ST6GALNAC3: variants seen among roughly 807,000 people sequenced by gnomAD.
The protein encoded by ST6GALNAC3 is ST6 N-acetylgalactosaminide alpha-2,6-sialyltransferase 3, also known as alpha-N-acetylgalactosaminide alpha-2,6-sialyltransferase 3.
In ST6GALNAC3, 25 loss-of-function variants were observed where a neutral mutation model predicts 32.7. That is an observed-to-expected ratio of 0.76 (90% confidence interval 0.56 to 1.07). The LOEUF is 1.07. ST6GALNAC3 is among the 50% of genes least tolerant of loss of function. ST6GALNAC3 has a pLI of 0.00. For missense variants in ST6GALNAC3, 355 were observed against 382.4 expected (o/e 0.93, Z 0.60); for synonymous variants, 129 against 133.1 (o/e 0.97, Z 0.21).
At chr1:76,165,360 A>G (rs1652056177) in intron 1 of ST6GALNAC3, among the ~76,000 whole-genome samples, 1 of 152,056 alleles carries the variant, frequency 6.6e-6, no homozygotes, top group Non-Finnish European at 1.5e-5. Context: ...TGTTCCTTTT[A>G]ATGGTTGCAT....
intron 3 of ST6GALNAC3, among the ~76,000 whole-genome samples, chr1:76,488,993 C>G (rs1660318459): frequency 6.6e-6 from 1 of 152,140 alleles, no homozygotes; most frequent in Non-Finnish European, 1.5e-5. Flanking sequence ...TTTCTGGAAG[C>G]AATTGCTTGT....
At position 76,383,835 on chromosome 1, in the gene ST6GALNAC3, A is replaced by G. The variant is rs944722284; in HGVS notation, c.214-28173A>G. Among the ~76,000 whole-genome samples, 18 of 152,338 alleles carry G rather than the reference A, an allele frequency of 1.2e-4. 1 individual carries two copies. Among genetic ancestry groups the G allele is most frequent in the African/African-American group, 4.3e-4 (18 of 41,588 alleles). On this transcript the variant is annotated intron_variant, in intron 2 of 4. Transcript: ENST00000328299. ...CAGAACTTATGAAGGCATACATTAT[A>G]TTATATTCTAGTAAGCCAAGAATTA...
At chr1:76,575,831 C>CA (rs1646795425) in intron 3 of ST6GALNAC3, among the ~76,000 whole-genome samples, 1 of 151,194 alleles carries the variant, frequency 6.6e-6, no homozygotes, top group African/African-American at 2.4e-5. Context: ...ACCAGATTTT[C>CA]TTTTTTTTTA....
At chr1:76,100,973 C>T (rs1453075473) in intron 1 of ST6GALNAC3, among the ~76,000 whole-genome samples, 1 of 152,058 alleles carries the variant, frequency 6.6e-6, no homozygotes, top group Non-Finnish European at 1.5e-5. Context: ...CAAGATCCCC[C>T]ATCAGGGTGC....
intron 3 of ST6GALNAC3, among the ~76,000 whole-genome samples, chr1:76,419,597 A>G (rs914913941): frequency 6.6e-6 from 1 of 152,134 alleles, no homozygotes; most frequent in Non-Finnish European, 1.5e-5. Flanking sequence ...ACAAGTAAGG[A>G]TAGTTACATT....
At chr1:76,208,652 G>A (rs945556277) in intron 1 of ST6GALNAC3, among the ~76,000 whole-genome samples, 1 of 152,148 alleles carries the variant, frequency 6.6e-6, no homozygotes, top group African/African-American at 2.4e-5. Flanking sequence ...AGTCCATATA[G>A]GTGGGTCTGG....
At chr1:76,419,651 C>T (rs1409458182) in intron 3 of ST6GALNAC3, among the ~76,000 whole-genome samples, 1 of 151,904 alleles carries the variant, frequency 6.6e-6, no homozygotes, top group Non-Finnish European at 1.5e-5. Context: ...TCTGTTTTTT[C>T]TCTATTCTTG....
intron 3 of ST6GALNAC3, among the ~76,000 whole-genome samples, chr1:76,466,762 G>T (rs1658659105): frequency 1.3e-5 from 2 of 151,934 alleles, no homozygotes; most frequent in Non-Finnish European, 1.5e-5. Flanking sequence ...GTCTGTAATG[G>T]GTTATTTGCA....
intron 1 of ST6GALNAC3, among the ~76,000 whole-genome samples, chr1:76,190,831 A>G (rs147301297): frequency 9.2e-5 from 14 of 152,322 alleles, no homozygotes; most frequent in African/African-American, 2.6e-4. Flanking sequence ...TTTGATATTT[A>G]TACTCCCATC....
chr1:76,627,325 C>T (rs680442), intron 3 of ST6GALNAC3, 127 bp from the exon 4 acceptor site: 257,159 of 627,078 alleles, frequency 0.41, 55,637 homozygotes, highest in African/African-American at 0.62. Flanking sequence ...AGTTTCTCAA[C>T]TCTTTTTCCT....
At chr1:76,474,382 G>A (rs941348923) in intron 3 of ST6GALNAC3, among the ~76,000 whole-genome samples, 5 of 152,140 alleles carry the variant, frequency 3.3e-5, no homozygotes, top group Non-Finnish European at 7.4e-5. Flanking sequence ...GCAAGGTTCA[G>A]CGGGACCTCA....
At position 76,262,835 on chromosome 1, in the gene ST6GALNAC3, G is replaced by A. The variant is rs142238789; in HGVS notation, c.19-50970G>A. Among the ~76,000 whole-genome samples the A allele has an allele frequency of 4.6e-5, 7 of 152,206 alleles. No homozygotes were observed. In the East Asian group the frequency reaches 7.7e-4, roughly 17 times the overall value. ...GCACGCACACATTTCTTACTTCCAC[G>A]TTCAAAACTATGGTGAGCATTCACA... is the stretch of plus-strand genomic sequence containing the variant. On this transcript the variant is annotated intron_variant, in intron 1 of 4. Coordinates refer to ENST00000328299, the MANE Select transcript of ST6GALNAC3 (RefSeq NM_152996.4).
At chr1:76,174,747 A>G (rs928467598) in intron 1 of ST6GALNAC3, among the ~76,000 whole-genome samples, 14 of 149,078 alleles carry the variant, frequency 9.4e-5, no homozygotes, top group African/African-American at 3.5e-4. Context: ...GCTCACTGCA[A>G]CCTCCACCTC....
At chr1:76,503,583 A>G (rs1557499061) in intron 3 of ST6GALNAC3, among the ~76,000 whole-genome samples, 1 of 152,204 alleles carries the variant, frequency 6.6e-6, no homozygotes, top group African/African-American at 2.4e-5. Flanking sequence ...TTTTTCCCAC[A>G]AAGTGGGTAG....
chr1:76,404,584 C>T (rs570857884), intron 2 of ST6GALNAC3, among the ~76,000 whole-genome samples: 1 of 152,136 alleles, frequency 6.6e-6, no homozygotes, highest in South Asian at 2.1e-4. Context: ...TTCCCCAATG[C>T]CGTCATTATA....
intron 1 of ST6GALNAC3, among the ~76,000 whole-genome samples, chr1:76,222,008 G>T (rs1428827985): frequency 6.6e-6 from 1 of 152,104 alleles, no homozygotes; most frequent in Non-Finnish European, 1.5e-5. Context: ...CTGTTACTGG[G>T]TGGTCATCCT....
chr1:76,577,943 A>C (rs940447800), intron 3 of ST6GALNAC3, among the ~76,000 whole-genome samples: 1 of 152,142 alleles, frequency 6.6e-6, no homozygotes, highest in Admixed American at 6.6e-5. Context: ...TCAAAAAATG[A>C]CAATGACAGA....
chr1:76,432,411 G>A (rs1402703393), intron 3 of ST6GALNAC3, among the ~76,000 whole-genome samples: 2 of 147,952 alleles, frequency 1.4e-5, no homozygotes, highest in Admixed American at 6.8e-5. Context: ...AAAAATGCTG[G>A]CTGAAATATG....
In ST6GALNAC3 at chr1:76,222,640, A is replaced by G. The variant is rs535014101; in HGVS notation, c.19-91165A>G. 6.4e-4 allele frequency among the ~76,000 whole-genome samples: 98 copies of G among 152,124 alleles called. 2 individuals carry two copies. Among genetic ancestry groups the G allele is most frequent in the African/African-American group, 2.1e-3 (88 of 41,552 alleles). ...ACTAACCTGCACATTGTGCACATGT[A>G]CCCTAAAACTTAAAGTATAATAATA... On this transcript the variant is annotated intron_variant, in intron 1 of 4. Transcript: ENST00000328299.
Sources: allele counts gnomAD v4.1 joint callset (sites outside exome capture counted in the v4.1 genomes callset), GRCh38; gene constraint gnomAD v4.1.1; transcripts MANE v1.5; gene names NCBI Gene and HGNC (gene_info 2026-07-23, HGNC 2026-07-21).